Variants in TBC1D5 observed in about 807,000 individuals in gnomAD.
TBC1D5 encodes the protein TBC1 domain family member 5.
A neutral mutation model predicts 100.3 loss-of-function variants in TBC1D5; 75 were observed. The ratio of observed to expected loss-of-function variants is 0.75; its 90% CI spans 0.62 to 0.91. TBC1D5 has a LOEUF of 0.91. TBC1D5 is among the 40% of genes least tolerant of loss of function. TBC1D5 has a pLI of 0.00. For missense variants in TBC1D5, 910 were observed against 942.4 expected, an observed-to-expected ratio of 0.97 and a Z score of 0.45; for synonymous variants, 323 against 325.6, an observed-to-expected ratio of 0.99 and a Z score of 0.09.
At chr3:17,440,277 G>A (rs1575956360) in intron 3 of TBC1D5, among the ~76,000 whole-genome samples, 1 of 152,132 alleles carries the variant, frequency 6.6e-6, no homozygotes, top group East Asian at 1.9e-4. Flanking sequence ...CCAAGATTCT[G>A]TGGAGTTCAC....
chr3:17,619,572 A>G (rs917339864), intron 2 of TBC1D5, among the ~76,000 whole-genome samples: 1 of 152,256 alleles, frequency 6.6e-6, no homozygotes, highest in East Asian at 1.9e-4. Flanking sequence ...AATGTTTCTC[A>G]TATCATACAT....
intron 13 of TBC1D5, among the ~76,000 whole-genome samples, chr3:17,335,360 G>A (rs2087554923): frequency 6.6e-6 from 1 of 152,006 alleles, no homozygotes; most frequent in African/African-American, 2.4e-5. Context: ...CCTTTGCATT[G>A]CTACTTCCAT....
intron 1 of TBC1D5, among the ~76,000 whole-genome samples, chr3:17,683,290 T>A (rs2069756738): frequency 6.6e-6 from 1 of 151,360 alleles, no homozygotes; most frequent in African/African-American, 2.5e-5. Context: ...TTATTTTTTT[T>A]AAGGAAATTA....
chr3:17,692,624 T>C (rs1260526098), intron 1 of TBC1D5, among the ~76,000 whole-genome samples: 2 of 152,222 alleles, frequency 1.3e-5, no homozygotes, highest in Admixed American at 6.5e-5. Context: ...AGAAAAACTT[T>C]TGTAAAATGC....
At chr3:17,544,742 A>C (rs1386590949) in intron 2 of TBC1D5, among the ~76,000 whole-genome samples, 1 of 152,166 alleles carries the variant, frequency 6.6e-6, no homozygotes, top group East Asian at 1.9e-4. Context: ...TGGTGAAATA[A>C]AGGAGGAGGA....
At chr3:17,563,089 G>A (rs75262336) in intron 2 of TBC1D5, among the ~76,000 whole-genome samples, 1 of 152,320 alleles carries the variant, frequency 6.6e-6, no homozygotes, top group Non-Finnish European at 1.5e-5. Flanking sequence ...TTTGTTGATG[G>A]ATTAGTTATA....
chr3:17,626,681 C>T (rs562312697), intron 1 of TBC1D5, among the ~76,000 whole-genome samples: 2 of 152,010 alleles, frequency 1.3e-5, no homozygotes, highest in Middle Eastern at 3.2e-3. Context: ...GAAAAAAGTA[C>T]GTTAAGCTTT....
intron 1 of TBC1D5, among the ~76,000 whole-genome samples, chr3:17,725,073 A>G (rs1261982172): frequency 2.0e-5 from 3 of 152,092 alleles, no homozygotes; most frequent in South Asian, 2.1e-4. Context: ...TCTCTGTCTG[A>G]TATTTCCAAT....
intron 2 of TBC1D5, among the ~76,000 whole-genome samples, chr3:17,510,831 T>A (rs1156650522): frequency 6.6e-6 from 1 of 151,972 alleles, no homozygotes; most frequent in East Asian, 1.9e-4. Context: ...AAAACCCAAC[T>A]GATTTATCTT....
chr3:17,406,594 C>G, intron 4 of TBC1D5, 68 bp from the exon 5 acceptor site: 1 of 1,426,356 alleles, frequency 7.0e-7, no homozygotes, highest in Non-Finnish European at 9.6e-7. Context: ...AGAAGTTCTA[C>G]GGGAAATTAA....
chr3:17,532,331 AAAC>A (rs2096237899), intron 2 of TBC1D5, among the ~76,000 whole-genome samples: 1 of 152,224 alleles, frequency 6.6e-6, no homozygotes, highest in Admixed American at 6.5e-5. Flanking sequence ...AAAAGTCAGG[AAAC>A]AACAGGTGCT....
At chr3:17,204,818 T>C (rs1268654375) in intron 18 of TBC1D5, among the ~76,000 whole-genome samples, 2 of 152,204 alleles carry the variant, frequency 1.3e-5, no homozygotes, top group Non-Finnish European at 2.9e-5. Context: ...TAAAATGTCA[T>C]GCTAAAACTG....
At position 17,514,791 on chromosome 3, in the gene TBC1D5, T is replaced by C. The variant is rs554330303; in HGVS notation, c.-35-6186A>G. Among the ~76,000 whole-genome samples the C allele has an allele frequency of 2.0e-5, 3 of 152,158 alleles. No individual in the cohort carries two copies. The South Asian group carries it at 6.2e-4, about 32-fold the overall frequency. Reference sequence around the variant, plus strand: ...CTGCCAAACAGAAAGCTCTCCACAGTGTATTCTCATACAGTTTCAGAGGTC... The same window carrying C: ...CTGCCAAACAGAAAGCTCTCCACAGCGTATTCTCATACAGTTTCAGAGGTC... On this transcript the variant is annotated intron_variant, in intron 2 of 21. Coordinates refer to ENST00000253692, the Ensembl canonical transcript of TBC1D5.
At chr3:17,727,971 A>G (rs1432083526) in intron 1 of TBC1D5, among the ~76,000 whole-genome samples, 1 of 152,232 alleles carries the variant, frequency 6.6e-6, no homozygotes, top group African/African-American at 2.4e-5. Context: ...GAACATAACA[A>G]TATTTTGATA....
rs184700635 is a variant in TBC1D5 at position 17,593,959 on chromosome 3, G to A, written c.-36+29890C>T. On this transcript the variant is annotated intron_variant, in intron 2 of 21. Coordinates refer to ENST00000253692, the Ensembl canonical transcript of TBC1D5. ...GCTCTAGGAATCAAAGGGTGGAAGT[G>A]GAAGTGGCACCACTCACCAATCACC... Among the ~76,000 whole-genome samples, 345 of 152,244 alleles carry A rather than the reference G, an allele frequency of 2.3e-3. 6 individuals carry two copies. Among genetic ancestry groups the A allele is most frequent in the East Asian group, 1.5e-3 (8 of 5,180 alleles).
chr3:17,559,160 T>C (rs1191194502), intron 2 of TBC1D5, among the ~76,000 whole-genome samples: 1 of 152,162 alleles, frequency 6.6e-6, no homozygotes, highest in Non-Finnish European at 1.5e-5. Flanking sequence ...ACTTTTTTTT[T>C]TAAGACAATG....
intron 3 of TBC1D5, among the ~76,000 whole-genome samples, chr3:17,482,106 C>CA (rs2095509080): frequency 6.6e-6 from 1 of 152,150 alleles, no homozygotes; most frequent in East Asian, 1.9e-4. Flanking sequence ...CTTCAGAACA[C>CA]AATTGTCTGA....
intron 2 of TBC1D5, among the ~76,000 whole-genome samples, chr3:17,623,066 G>A (rs529284382): frequency 4.6e-5 from 7 of 152,082 alleles, no homozygotes; most frequent in South Asian, 2.1e-4. Flanking sequence ...CTTGAACTAC[G>A]GATAACCAAC....
rs138449306 is a variant in TBC1D5, at chr3:17,202,126, T to C, written c.1752+12081A>G. Among the ~76,000 whole-genome samples, 1,404 of 152,338 alleles carry C rather than the reference T, an allele frequency of 9.2e-3. 20 individuals are homozygous for C. The highest frequency in any genetic ancestry group is 0.031 in the African/African-American group (1,305 of 41,558). ...ATAGGCAATGAAGTCCAGGCTGAGA[T>C]AGTCTCAGATAAAGATGAGAAACTT... On this transcript the variant is annotated intron_variant, in intron 18 of 21. Transcript: ENST00000253692.
Sources: allele counts gnomAD v4.1 joint callset (sites outside exome capture counted in the v4.1 genomes callset), GRCh38; gene constraint gnomAD v4.1.1; transcripts MANE v1.5; gene names NCBI Gene and HGNC (gene_info 2026-07-23, HGNC 2026-07-21).